The following SESTD1 variants were observed in gnomAD, a reference collection of about 807,000 sequenced individuals.
SESTD1 encodes the protein SEC14 domain and spectrin repeat-containing protein 1.
SESTD1 carries 43 observed loss-of-function variants against 101.7 expected under a neutral mutation model. The observed-to-expected ratio is 0.42, with a 90% CI of 0.33 to 0.55. SESTD1 has a LOEUF of 0.55. SESTD1 is among the 20% of genes least tolerant of loss of function. SESTD1 has a pLI of 0.07. For synonymous variants in SESTD1, 283 were observed against 286.8 expected (o/e 0.99, Z 0.13); for missense variants, 647 against 815.1 (o/e 0.79, Z 2.51).
intron 1 of SESTD1, among the ~76,000 whole-genome samples, chr2:179,231,090 T>C (rs954743984): frequency 3.3e-5 from 5 of 152,146 alleles, no homozygotes; most frequent in African/African-American, 1.2e-4. Flanking sequence ...ACTACCAATA[T>C]TAAGGCTACA....
intron 5 of SESTD1, among the ~76,000 whole-genome samples, chr2:179,161,700 C>CGG (rs1306400309): frequency 6.6e-6 from 1 of 151,664 alleles, no homozygotes; most frequent in Non-Finnish European, 1.5e-5. Context: ...AAAAATACAG[C>CGG]GGAAAAGCTA....
chr2:179,157,341 C>A (rs2045651625), intron 5 of SESTD1, among the ~76,000 whole-genome samples: 1 of 152,096 alleles, frequency 6.6e-6, no homozygotes, highest in Non-Finnish European at 1.5e-5. Flanking sequence ...AAAATACCAT[C>A]ATTCTTCACA....
chr2:179,190,221 G>C (rs1426030075), intron 2 of SESTD1, among the ~76,000 whole-genome samples: 1 of 152,126 alleles, frequency 6.6e-6, no homozygotes, highest in Non-Finnish European at 1.5e-5. Flanking sequence ...CAATGGAACA[G>C]AATAGAGATT....
At chr2:179,180,810 G>A (rs2046094840) in intron 3 of SESTD1, among the ~76,000 whole-genome samples, 2 of 152,074 alleles carry the variant, frequency 1.3e-5, no homozygotes, top group South Asian at 4.1e-4. Context: ...GCATCGCAAT[G>A]GAGAGATCAA....
At chr2:179,229,270 A>C (rs2046939345) in intron 1 of SESTD1, among the ~76,000 whole-genome samples, 1 of 152,206 alleles carries the variant, frequency 6.6e-6, no homozygotes, top group Non-Finnish European at 1.5e-5. Context: ...AGTGAGCATC[A>C]TTCAACTTGT....
chr2:179,185,642 TATATACAATATAGC>T (rs1470553277), intron 2 of SESTD1, among the ~76,000 whole-genome samples: 2 of 126,184 alleles, frequency 1.6e-5, no homozygotes, highest in South Asian at 2.3e-4. Flanking sequence ...TATAGCATAT[TATATACAATATAGC>T]ATATACAATA....
chr2:179,151,793 G>A (rs2045535983), intron 5 of SESTD1, among the ~76,000 whole-genome samples: 1 of 152,146 alleles, frequency 6.6e-6, no homozygotes, highest in South Asian at 2.1e-4. Context: ...CAATCAAAAA[G>A]TTATCCATTT....
In SESTD1 at chr2:179,209,966, T is replaced by C. The variant is rs147184124; in HGVS notation, c.-25-18100A>G. Among the ~76,000 whole-genome samples the C allele has an allele frequency of 6.5e-3, 869 of 133,020 alleles. 215 individuals are homozygous for C. Among genetic ancestry groups the C allele is most frequent in the African/African-American group, 0.025 (840 of 33,582 alleles). The allele number at this position is 133,020 out of a possible 152,430, so 87.3% of individuals were successfully genotyped here. A position where few individuals can be genotyped will look rare whatever the true frequency, so the allele number is the denominator to read the frequency against. On this transcript the variant is annotated intron_variant, in intron 1 of 17. Transcript: ENST00000428443. ...AAAATCAATAGACCATTAATGAAAT[T>C]AACCACGAAAAGTAGAGAGAAGATC...
Position 179,132,920 on chromosome 2 carries a change from C to T in SESTD1, c.850-494G>A, listed in dbSNP as rs184693263. Among the ~76,000 whole-genome samples the T allele has an allele frequency of 3.7e-3, 557 of 152,266 alleles. 6 individuals carry two copies. The highest frequency in any genetic ancestry group is 0.013 in the African/African-American group (525 of 41,550). ...TTCTAACTCATAGTCTAATGTTCTT[C>T]CCAAGCATTGAAAAAACTGACTGAA... On this transcript the variant is annotated intron_variant, in intron 9 of 17. Coordinates refer to ENST00000428443, the MANE Select transcript of SESTD1 (RefSeq NM_178123.5).
At position 179,109,060 on chromosome 2, in the gene SESTD1, A is replaced by G. The variant is rs1171513902; in HGVS notation, c.*839T>C. The G allele has an allele frequency of 1.3e-5, 2 of 152,592 alleles. No individual in the cohort carries two copies. The highest frequency in any genetic ancestry group is 2.9e-5 in the Non-Finnish European group (2 of 68,024). The allele number at this position is 152,592 out of a possible 1,614,324, so 9.5% of individuals were successfully genotyped here. Reference sequence around the variant, plus strand: ...TTGAGAATATTTTTCAAGTTGAAAAAGAGAAAAATTAGAAATAGTATTCCA... The same window carrying G: ...TTGAGAATATTTTTCAAGTTGAAAAGGAGAAAAATTAGAAATAGTATTCCA... On this transcript the variant is annotated 3_prime_UTR_variant, in exon 18 of 18. Transcript: ENST00000428443.
At chr2:179,154,694 A>G (rs1480870183) in intron 5 of SESTD1, among the ~76,000 whole-genome samples, 1 of 152,176 alleles carries the variant, frequency 6.6e-6, no homozygotes, top group Non-Finnish European at 1.5e-5. Context: ...AAATATGCAG[A>G]CTACTGGAAA....
intron 5 of SESTD1, among the ~76,000 whole-genome samples, chr2:179,161,701 G>T (rs1397504641): frequency 6.6e-6 from 1 of 151,482 alleles, no homozygotes; most frequent in South Asian, 2.1e-4. Flanking sequence ...AAAATACAGC[G>T]GAAAAGCTAT....
At chr2:179,162,066 T>C (rs139787866) in intron 5 of SESTD1, among the ~76,000 whole-genome samples, 1 of 152,298 alleles carries the variant, frequency 6.6e-6, no homozygotes, top group African/African-American at 2.4e-5. Context: ...TAAGTTGTCA[T>C]GTATCAATTA....
At position 179,106,275 on chromosome 2, in the gene SESTD1, C is replaced by G. The variant is rs1183256623; in HGVS notation, c.*3624G>C. 4 of 152,168 alleles carry G rather than the reference C, an allele frequency of 2.6e-5. No individual in the cohort carries two copies. Among genetic ancestry groups the G allele is most frequent in the Non-Finnish European group, 5.9e-5 (4 of 68,018 alleles). The allele number at this position is 152,168 out of a possible 1,614,324, so 9.4% of individuals were successfully genotyped here. ...CCCTATAGGCTGAAGATGTAAAGGACATTAGCAACCACAGTATGTTTAGTT... is the reference window on the plus strand; with the variant it reads ...CCCTATAGGCTGAAGATGTAAAGGAGATTAGCAACCACAGTATGTTTAGTT... On this transcript the variant is annotated 3_prime_UTR_variant, in exon 18 of 18. Coordinates refer to ENST00000428443, the MANE Select transcript of SESTD1 (RefSeq NM_178123.5).
intron 1 of SESTD1, among the ~76,000 whole-genome samples, chr2:179,211,667 C>A (rs1472026666): frequency 7.4e-6 from 1 of 134,504 alleles, no homozygotes; most frequent in Non-Finnish European, 1.6e-5. Context: ...TGGAATACTA[C>A]TCTTCAGCCA....
chr2:179,163,839 T>C (rs1488759672), intron 5 of SESTD1, among the ~76,000 whole-genome samples: 2 of 152,190 alleles, frequency 1.3e-5, no homozygotes, highest in Non-Finnish European at 1.5e-5. Context: ...AAAACATTTG[T>C]GCAGGTTTTC....
At chr2:179,167,647 G>A (rs983823804) in intron 5 of SESTD1, among the ~76,000 whole-genome samples, 4 of 152,156 alleles carry the variant, frequency 2.6e-5, no homozygotes, top group Non-Finnish European at 4.4e-5. Context: ...GGGAAAAAAA[G>A]GCAAATAACA....
intron 5 of SESTD1, among the ~76,000 whole-genome samples, chr2:179,155,559 T>C (rs1490435339): frequency 6.6e-6 from 1 of 151,920 alleles, no homozygotes; most frequent in Non-Finnish European, 1.5e-5. Context: ...GAGACTGCAG[T>C]GAGCTATGAT....
At chr2:179,176,571 C>T (rs1327270706) in intron 3 of SESTD1, 33 bp from the exon 4 acceptor site, 1 of 1,563,124 alleles carries the variant, frequency 6.4e-7, no homozygotes, top group Admixed American at 1.7e-5. Flanking sequence ...AGCATTAAAA[C>T]AAGCTCCAGA....
Sources: allele counts gnomAD v4.1 joint callset (sites outside exome capture counted in the v4.1 genomes callset), GRCh38; gene constraint gnomAD v4.1.1; transcripts MANE v1.5; gene names NCBI Gene and HGNC (gene_info 2026-07-23, HGNC 2026-07-21).